DDB1: variants seen among roughly 807,000 people sequenced by gnomAD.
The protein encoded by DDB1 is DNA damage-binding protein 1.
A neutral mutation model predicts 133.1 loss-of-function variants in DDB1; 18 were observed. The ratio of observed to expected loss-of-function variants is 0.14; its 90% CI spans 0.09 to 0.20. The LOEUF is 0.20. DDB1 is among the 10% of genes least tolerant of loss of function. The pLI, the probability that DDB1 is intolerant of heterozygous loss-of-function variation, is 1.00. For synonymous variants in DDB1, 580 were observed against 550.5 expected, an observed-to-expected ratio of 1.05 and a Z score of -0.75; for missense variants, 828 against 1,459.2, an observed-to-expected ratio of 0.57 and a Z score of 7.05.
intron 18 of DDB1, chr11:61,311,438 C>T: frequency 4.2e-6 from 1 of 238,312 alleles, no homozygotes; most frequent in Non-Finnish European, 7.9e-6. Flanking sequence ...AAGCTGGTTT[C>T]TGTCTTAAAA....
chr11:61,324,765 T>C (rs1856242272), intron 6 of DDB1, among the ~76,000 whole-genome samples: 3 of 152,250 alleles, frequency 2.0e-5, no homozygotes, highest in Non-Finnish European at 4.4e-5. Flanking sequence ...TTCTAAGTCC[T>C]TGACATTTTT....
At chr11:61,316,024 A>G (rs1002774717) in intron 12 of DDB1, 60 of 344,758 alleles carry the variant, frequency 1.7e-4, no homozygotes, top group African/African-American at 1.2e-3. Context: ...TTATGTTTAT[A>G]TATATAATGA....
At chr11:61,329,293 G>A in intron 4 of DDB1, 70 bp downstream of exon 4, 1 of 1,395,170 alleles carries the variant, frequency 7.2e-7, no homozygotes, top group Non-Finnish European at 1.0e-6. Flanking sequence ...ACCCAGACAT[G>A]CCAGTTAGCA....
At chr11:61,332,881 C>A in intron 1 of DDB1, 27 bp downstream of exon 1, 1 of 1,465,196 alleles carries the variant, frequency 6.8e-7, no homozygotes, top group Non-Finnish European at 9.1e-7. Flanking sequence ...CCTCACTCGC[C>A]GGGGTCTCCG....
At chr11:61,331,484 T>C in intron 2 of DDB1, 59 bp downstream of exon 2, 1 of 1,580,286 alleles carries the variant, frequency 6.3e-7, no homozygotes, top group Non-Finnish European at 8.6e-7. Context: ...AAAAATAACA[T>C]AAAACAACCT....
chr11:61,303,506 G>A lies in DDB1; in HGVS notation c.2833-351C>T, dbSNP rs1394477992. The A allele has an allele frequency of 1.6e-5, 5 of 306,238 alleles. No homozygotes were observed. The Admixed American group carries it at 2.3e-4, about 14-fold the overall frequency. 19.0% of individuals were successfully genotyped at this position (306,238 alleles called of 1,614,324 possible). A position where few individuals can be genotyped will look rare whatever the true frequency, so the allele number is the denominator to read the frequency against. On this transcript the variant is annotated intron_variant, in intron 22 of 26. Transcript: ENST00000301764. ...GATCGAGACCATCCTGGCTAACAAG[G>A]TGAAACCCCGTCTCTACTAAAAATA... is the stretch of plus-strand genomic sequence containing the variant.
At position 61,309,929 on chromosome 11, in the gene DDB1, T is replaced by A; in HGVS notation, c.2433A>T (p.Glu811Asp). 6.2e-7 allele frequency: 1 copy of A among 1,614,222 alleles called. No homozygotes were observed. The highest frequency in any genetic ancestry group is 8.5e-7 in the Non-Finnish European group (1 of 1,180,040). ...TGCAGGAAACCAGACTGAGGGCATA[T>A]TCATTCTGCAGAAACTGGTGGGCAT... Reference protein sequence around the residue: ...VLHAHQFLQNEYALSLVSCKL... With the variant: ...VLHAHQFLQNDYALSLVSCKL... The change falls in exon 20 of 27, where the codon GAA becomes GAT. Residue 811 changes from glutamate to aspartate, a missense_variant. By Grantham distance (45) the Glu-to-Asp change is conservative. Coordinates refer to ENST00000301764, the MANE Select transcript of DDB1 (RefSeq NM_001923.5).
At chr11:61,325,764 G>T in intron 5 of DDB1, 56 bp from the exon 6 acceptor site, 1 of 1,444,686 alleles carries the variant, frequency 6.9e-7, no homozygotes, top group Non-Finnish European at 9.6e-7. Context: ...GCCAAACCAG[G>T]ACTGGCAAAA....
chr11:61,319,263 A>C (rs1449427161), intron 10 of DDB1, among the ~76,000 whole-genome samples: 2 of 152,182 alleles, frequency 1.3e-5, no homozygotes, highest in African/African-American at 4.8e-5. Context: ...TGAACTGAGA[A>C]GCCACCACTA....
At chr11:61,308,108 T>C (rs1447635660) in intron 21 of DDB1, among the ~76,000 whole-genome samples, 1 of 152,146 alleles carries the variant, frequency 6.6e-6, no homozygotes, top group Admixed American at 6.5e-5. Context: ...CCTCCAGAGG[T>C]TGCCATCATG....
At position 61,330,029 on chromosome 11, in the gene DDB1, C is replaced by A; in HGVS notation, c.256G>T (p.Ala86Ser). 2.5e-6 allele frequency: 4 copies of A among 1,613,970 alleles called. No individual in the cohort carries two copies. The highest frequency in any genetic ancestry group is 3.4e-6 in the Non-Finnish European group (4 of 1,179,838). ...LLFILTAKYNACILEYKQSGE... is the reference protein window; with the variant it reads ...LLFILTAKYNSCILEYKQSGE... Reference sequence around the variant, plus strand: ...CTCTGTTTATACTCCAGGATGCAGGCATTGTACTTCGCTGTCAAGATAAAC... The same window carrying A: ...CTCTGTTTATACTCCAGGATGCAGGAATTGTACTTCGCTGTCAAGATAAAC... Residue 86 changes from alanine (A) to serine (S), a missense_variant, in exon 3 of 27, where the codon GCC becomes TCC. By Grantham distance (99) the Ala-to-Ser change is moderately conservative. Transcript: ENST00000301764.
At position 61,304,043 on chromosome 11, in the gene DDB1, G is replaced by A. The variant is rs1156756276; in HGVS notation, c.2662-8C>T. Reference sequence around the variant, plus strand: ...CCACTCATAGAGCCGCACCTGGGAAGGGCATTGTCTCTCTCAGCCAAAGGG... The same window carrying A: ...CCACTCATAGAGCCGCACCTGGGAAAGGCATTGTCTCTCTCAGCCAAAGGG... On this transcript the variant is annotated splice_region_variant and splice_polypyrimidine_tract_variant and intron_variant, in intron 21 of 26. Transcript: ENST00000301764. 1 of 1,613,472 alleles carries A rather than the reference G, an allele frequency of 6.2e-7. No individual in the cohort carries two copies. Among genetic ancestry groups the A allele is most frequent in the Non-Finnish European group, 8.5e-7 (1 of 1,179,974 alleles).
In DDB1 at chr11:61,303,922, G is replaced by A; in HGVS notation, c.2775C>T (p.Asp925=). The change falls in exon 22 of 27, where the codon GAC becomes GAT. Residue 925 remains aspartate (D), a synonymous_variant. Coordinates refer to ENST00000301764, the MANE Select transcript of DDB1 (RefSeq NM_001923.5). The part of the protein sequence containing the change: ...KTKGDFILVG[D]LMRSVLLLAY... ...CAAGCAGCAGCACTGAGCGCATAAG[G>A]TCGCCCACCAGGATGAAGTCGCCCT... 1 of 1,613,976 alleles carries A rather than the reference G, an allele frequency of 6.2e-7. No individual in the cohort carries two copies. Among genetic ancestry groups the A allele is most frequent in the East Asian group, 2.2e-5 (1 of 44,854 alleles).
At chr11:61,315,173 C>T (rs1164834008) in intron 12 of DDB1, 1 of 152,106 alleles carries the variant, frequency 6.6e-6, no homozygotes, top group East Asian at 1.9e-4. Flanking sequence ...AATCAGACCT[C>T]TAAAATATCT....
intron 1 of DDB1, 155 bp downstream of exon 1, chr11:61,332,753 G>C (rs1856421380): frequency 1.8e-6 from 1 of 565,626 alleles, no homozygotes; most frequent in African/African-American, 2.0e-5. Flanking sequence ...CGACTCTTTC[G>C]AGGTCGCGGT....
At position 61,310,426 on chromosome 11, in the gene DDB1, C is replaced by A; in HGVS notation, c.2278-8G>T. ...TACACTGCTGGACAGAGCCTGCAAA[C>A]AGAGAGAATGCACATCATCCTTCTC... On this transcript the variant is annotated splice_region_variant and splice_polypyrimidine_tract_variant and intron_variant, in intron 18 of 26. Coordinates refer to ENST00000301764, the MANE Select transcript of DDB1 (RefSeq NM_001923.5). 6.3e-7 allele frequency: 1 copy of A among 1,594,536 alleles called. No individual in the cohort carries two copies. Among genetic ancestry groups the A allele is most frequent in the Non-Finnish European group, 8.5e-7 (1 of 1,171,958 alleles).
chr11:61,308,586 T>C (rs1434530383), intron 21 of DDB1, among the ~76,000 whole-genome samples: 4 of 152,106 alleles, frequency 2.6e-5, no homozygotes, highest in Non-Finnish European at 4.4e-5. Flanking sequence ...TCAATAAAGA[T>C]GGAAAAAAAC....
chr11:61,329,368 A>G lies in DDB1; in HGVS notation c.544T>C (p.Tyr182His). The G allele has an allele frequency of 6.2e-7, 1 of 1,614,098 alleles. No individual in the cohort carries two copies. Among genetic ancestry groups the G allele is most frequent in the Non-Finnish European group, 8.5e-7 (1 of 1,179,930 alleles). The change falls in exon 4 of 27, where the codon TAC (tyrosine) becomes CAC (histidine). Residue 182 changes from tyrosine to histidine, a missense_variant. Physicochemically the swap from Tyr to His is moderately conservative, Grantham distance 83. Coordinates refer to ENST00000301764, the MANE Select transcript of DDB1 (RefSeq NM_001923.5). Reference sequence around the variant, plus strand: ...CTCTCTTCCTGATCCAGTACCTGGTAGACAAAGCAAATAGTAGGTGCTTGG... The same window carrying G: ...CTCTCTTCCTGATCCAGTACCTGGTGGACAAAGCAAATAGTAGGTGCTTGG... ...GCQAPTICFV[Y>H]QDPQGRHVKT...
rs1247113019 is a variant in DDB1, at chr11:61,312,092, G to A, written c.2070-8C>T. On this transcript the variant is annotated splice_region_variant and splice_polypyrimidine_tract_variant and intron_variant, in intron 16 of 26. Coordinates refer to ENST00000301764, the MANE Select transcript of DDB1 (RefSeq NM_001923.5). ...TTGTTGGCCAGCGCCAGGCTGGAAA[G>A]AAGGGTCTGGGTTTAGACTGAGGAG... The A allele has an allele frequency of 8.1e-6, 13 of 1,614,074 alleles. No individual in the cohort carries two copies. The highest frequency in any genetic ancestry group is 1.1e-5 in the Non-Finnish European group (13 of 1,179,912).
Sources: gnomAD v4.1 joint callset for allele counts (sites outside exome capture counted in the v4.1 genomes callset) on GRCh38, gnomAD v4.1.1 for gene constraint, MANE v1.5 for transcripts, NCBI Gene and HGNC (gene_info 2026-07-23, HGNC 2026-07-21) for gene names.